GUCY1A2: variants seen among roughly 807,000 people sequenced by gnomAD.
The protein encoded by GUCY1A2 is guanylate cyclase 1 soluble subunit alpha 2.
Under a neutral mutation model 63.5 loss-of-function variants are expected in GUCY1A2, and 27 were observed. The ratio of observed to expected loss-of-function variants is 0.43; its 90% CI spans 0.31 to 0.59. GUCY1A2 has a LOEUF of 0.59. Among genes scored for constraint, GUCY1A2 ranks in the 20% least tolerant of loss-of-function variants. The pLI is 0.11. For synonymous variants in GUCY1A2, 364 were observed against 343.5 expected, an observed-to-expected ratio of 1.06 and a Z score of -0.66; for missense variants, 768 against 913.3, an observed-to-expected ratio of 0.84 and a Z score of 2.05.
At chr11:106,915,089 G>T (rs1427647178) in intron 4 of GUCY1A2, among the ~76,000 whole-genome samples, 1 of 152,076 alleles carries the variant, frequency 6.6e-6, no homozygotes, top group Admixed American at 6.6e-5. Flanking sequence ...CTGCCCTGCA[G>T]GAAATGTTTA....
chr11:106,759,982 CA>C (rs1317610267), intron 6 of GUCY1A2, among the ~76,000 whole-genome samples: 4 of 152,152 alleles, frequency 2.6e-5, no homozygotes, highest in African/African-American at 9.7e-5. Context: ...TCCATGCCCA[CA>C]GGGAGAATGC....
intron 3 of GUCY1A2, among the ~76,000 whole-genome samples, chr11:106,950,840 G>A (rs546928435): frequency 6.6e-6 from 1 of 152,254 alleles, no homozygotes; most frequent in South Asian, 2.1e-4. Flanking sequence ...GTATGCGCTT[G>A]CCATGGTGGT....
intron 6 of GUCY1A2, among the ~76,000 whole-genome samples, chr11:106,741,477 T>G (rs1863692970): frequency 7.5e-6 from 1 of 133,380 alleles, no homozygotes; most frequent in African/African-American, 2.5e-5. Flanking sequence ...GATGGTATTG[T>G]GTATCAAAGG....
chr11:106,687,481 C>A lies in GUCY1A2; in HGVS notation c.*68G>T. 1 of 1,110,384 alleles carries A rather than the reference C, an allele frequency of 9.0e-7. No individual in the cohort carries two copies. The highest frequency in any genetic ancestry group is 1.4e-6 in the Non-Finnish European group (1 of 730,202). The allele number at this position is 1,110,384 out of a possible 1,614,324, so 68.8% of individuals were successfully genotyped here. ...CAATGAAAGAGACACAATCTCTTTC[C>A]ACCCCCCATTGGTGACCCATGTTCT... is the stretch of plus-strand genomic sequence containing the variant. On this transcript the variant is annotated 3_prime_UTR_variant, in exon 8 of 8. Transcript: ENST00000526355.
chr11:106,753,094 G>T (rs1373982197), intron 6 of GUCY1A2, among the ~76,000 whole-genome samples: 1 of 152,168 alleles, frequency 6.6e-6, no homozygotes, highest in Non-Finnish European at 1.5e-5. Context: ...TTGTGGTTTT[G>T]ATTTGCATTT....
chr11:106,757,868 A>C (rs1864001054), intron 6 of GUCY1A2, among the ~76,000 whole-genome samples: 1 of 152,160 alleles, frequency 6.6e-6, no homozygotes, highest in Non-Finnish European at 1.5e-5. Context: ...CTGTTAACAG[A>C]GCTCGAATGT....
chr11:107,008,366 T>C (rs1054285030), intron 1 of GUCY1A2, among the ~76,000 whole-genome samples: 11 of 149,958 alleles, frequency 7.3e-5, no homozygotes, highest in African/African-American at 2.7e-4. Context: ...GAAGTCCCAA[T>C]AAAATGTCAG....
chr11:106,709,447 A>C (rs1301993727), intron 6 of GUCY1A2, among the ~76,000 whole-genome samples: 1 of 97,770 alleles, frequency 1.0e-5, no homozygotes, highest in Non-Finnish European at 1.8e-5. Context: ...ATAATAATAT[A>C]TATTCTATAT....
chr11:106,807,393 A>T (rs1281998847), intron 5 of GUCY1A2, among the ~76,000 whole-genome samples: 1 of 152,146 alleles, frequency 6.6e-6, no homozygotes, highest in Non-Finnish European at 1.5e-5. Flanking sequence ...ATCCCTCCTA[A>T]TGCATTTCTC....
At chr11:106,821,292 A>G (rs1217460018) in intron 4 of GUCY1A2, among the ~76,000 whole-genome samples, 1 of 152,230 alleles carries the variant, frequency 6.6e-6, no homozygotes, top group Non-Finnish European at 1.5e-5. Flanking sequence ...TATGTGGAGA[A>G]TATTAAATTT....
At chr11:106,763,062 G>T (rs951639014) in intron 6 of GUCY1A2, among the ~76,000 whole-genome samples, 3 of 151,944 alleles carry the variant, frequency 2.0e-5, no homozygotes, top group African/African-American at 4.8e-5. Flanking sequence ...AAGAAAAATG[G>T]TCCGTGATGG....
intron 4 of GUCY1A2, among the ~76,000 whole-genome samples, chr11:106,932,780 A>G (rs530024301): frequency 8.5e-5 from 13 of 152,126 alleles, no homozygotes; most frequent in Non-Finnish European, 1.9e-4. Context: ...AGACACATAA[A>G]CCAGTGGAAC....
At chr11:106,946,991 G>C (rs1860838170) in intron 3 of GUCY1A2, among the ~76,000 whole-genome samples, 1 of 152,078 alleles carries the variant, frequency 6.6e-6, no homozygotes, top group African/African-American at 2.4e-5. Context: ...GGCCGAGGCG[G>C]GTGGATAATG....
chr11:106,778,381 G>C (rs1011974007), intron 5 of GUCY1A2, among the ~76,000 whole-genome samples: 2 of 152,164 alleles, frequency 1.3e-5, no homozygotes, highest in Admixed American at 1.3e-4. Context: ...TAATCAATAT[G>C]TATCTATATA....
Position 106,678,415 on chromosome 11 carries a change from CA to C in GUCY1A2, c.*9133del. On this transcript the variant is annotated 3_prime_UTR_variant, in exon 8 of 8. Coordinates refer to ENST00000526355, the MANE Select transcript of GUCY1A2 (RefSeq NM_000855.3). ...TTATGGAAGTTTTAATTTAAAAGGCCAAAAAAGGAGACAGCCTTTCAAGTGG... is the reference window on the plus strand; with the variant it reads ...TTATGGAAGTTTTAATTTAAAAGGCCAAAAAGGAGACAGCCTTTCAAGTGG... The C allele has an allele frequency of 4.7e-6, 1 of 211,202 alleles. No homozygotes were observed. The highest frequency in any genetic ancestry group is 9.6e-6 in the Non-Finnish European group (1 of 104,238). The allele number at this position is 211,202 out of a possible 1,614,324, so 13.1% of individuals were successfully genotyped here.
chr11:107,016,042 A>G (rs914599723), intron 1 of GUCY1A2, among the ~76,000 whole-genome samples: 1 of 152,214 alleles, frequency 6.6e-6, no homozygotes, highest in African/African-American at 2.4e-5. Context: ...AGGTCTCGTA[A>G]AAGAAAAAAA....
intron 3 of GUCY1A2, among the ~76,000 whole-genome samples, chr11:106,959,308 A>G (rs1213222740): frequency 1.3e-5 from 2 of 152,116 alleles, no homozygotes; most frequent in Non-Finnish European, 2.9e-5. Flanking sequence ...GTTTGGTTTC[A>G]TTGTTTATTT....
chr11:106,706,962 T>C (rs907382340), intron 7 of GUCY1A2, among the ~76,000 whole-genome samples: 1 of 152,104 alleles, frequency 6.6e-6, no homozygotes, highest in Non-Finnish European at 1.5e-5. Context: ...GCAAATCCTC[T>C]TATAAATATC....
chr11:106,887,791 C>T (rs889077608), intron 4 of GUCY1A2, among the ~76,000 whole-genome samples: 2 of 152,092 alleles, frequency 1.3e-5, no homozygotes, highest in Non-Finnish European at 1.5e-5. Flanking sequence ...GTTAAATGAC[C>T]GGCATAAAAA....
Sources: allele counts gnomAD v4.1 joint callset (sites outside exome capture counted in the v4.1 genomes callset), GRCh38; gene constraint gnomAD v4.1.1; transcripts MANE v1.5; gene names NCBI Gene and HGNC (gene_info 2026-07-23, HGNC 2026-07-21).